The following RAD51C variants were observed in gnomAD, a reference collection of about 807,000 sequenced individuals.
The protein encoded by RAD51C is RAD51 paralog C.
Under a neutral mutation model 45.0 loss-of-function variants are expected in RAD51C, and 42 were observed. The ratio of observed to expected loss-of-function variants is 0.93; its 90% CI spans 0.73 to 1.21. The LOEUF is 1.21. RAD51C is among the 50% of genes most tolerant of loss of function. RAD51C has a pLI of 0.00. For missense variants in RAD51C, 474 were observed against 452.2 expected (o/e 1.05, Z -0.44); for synonymous variants, 172 against 159.8 (o/e 1.08, Z -0.58).
Position 58,720,793 on chromosome 17 carries a change from C to T in RAD51C, c.885C>T (p.Ala295=), listed in dbSNP as rs2143931388. The T allele has an allele frequency of 6.2e-7, 1 of 1,612,202 alleles. No individual in the cohort carries two copies. Among genetic ancestry groups the T allele is most frequent in the Admixed American group, 1.7e-5 (1 of 60,008 alleles). ...QMTTKIDRNQ[A]LLVPALGESW... is the part of the protein sequence containing the mutation. Reference sequence around the variant, plus strand: ...CAACAAAGATTGATAGAAATCAGGCCTTGCTTGTTCCTGCATTAGGTGGGT... The same window carrying T: ...CAACAAAGATTGATAGAAATCAGGCTTTGCTTGTTCCTGCATTAGGTGGGT... The change falls in exon 6 of 9, where the codon GCC becomes GCT. Residue 295 remains alanine, a synonymous_variant. Coordinates refer to ENST00000337432, the MANE Select transcript of RAD51C (RefSeq NM_058216.3).
chr17:58,701,735 TA>T (rs1414483684), intron 3 of RAD51C, among the ~76,000 whole-genome samples: 1 of 151,496 alleles, frequency 6.6e-6, no homozygotes, highest in Non-Finnish European at 1.5e-5. Flanking sequence ...CACACCAAGC[TA>T]ATCTTTATAT....
rs146511278 is a variant in RAD51C, at chr17:58,729,003, A to G, written c.966-3481A>G. ...AATCAACACCCCCACACAGTGTTTC[A>G]TATGTGTGCTCAGTTTTAGAGCACA... On this transcript the variant is annotated intron_variant, in intron 7 of 8. Transcript: ENST00000337432. Among the ~76,000 whole-genome samples the G allele has an allele frequency of 6.4e-4, 98 of 152,270 alleles. No individual in the cohort carries two copies. In the East Asian group the frequency reaches 0.016, roughly 24 times the overall value.
chr17:58,692,891 T>C (rs1486485800), intron 1 of RAD51C, 103 bp downstream of exon 1: 5 of 1,543,396 alleles, frequency 3.2e-6, no homozygotes, highest in Admixed American at 1.7e-5. Flanking sequence ...CGTTAGATTC[T>C]GCTTCCTCCC....
chr17:58,723,434 T>C (rs868407408), intron 6 of RAD51C, among the ~76,000 whole-genome samples: 1 of 152,084 alleles, frequency 6.6e-6, no homozygotes, highest in Non-Finnish European at 1.5e-5. Flanking sequence ...GGAACATTAC[T>C]ACCCCCCAGG....
intron 8 of RAD51C, 80 bp from the exon 9 acceptor site, chr17:58,734,038 T>C: frequency 6.5e-7 from 1 of 1,538,126 alleles, no homozygotes; most frequent in Non-Finnish European, 8.8e-7. Context: ...AGCTTTCTTA[T>C]TAGTTACTTA....
intron 3 of RAD51C, among the ~76,000 whole-genome samples, chr17:58,700,592 G>A (rs966349135): frequency 4.0e-5 from 6 of 151,804 alleles, no homozygotes; most frequent in African/African-American, 7.3e-5. Context: ...ACAGGCACCC[G>A]CCACCACGCC....
intron 3 of RAD51C, among the ~76,000 whole-genome samples, chr17:58,702,227 G>T (rs1273659299): frequency 6.6e-6 from 1 of 151,942 alleles, no homozygotes; most frequent in Non-Finnish European, 1.5e-5. Flanking sequence ...CTCTTAATTT[G>T]TAGTCCTATA....
At chr17:58,719,718 G>A (rs1021855804) in intron 5 of RAD51C, among the ~76,000 whole-genome samples, 1 of 149,336 alleles carries the variant, frequency 6.7e-6, no homozygotes. Flanking sequence ...CTTTTTATGG[G>A]TGGATTTTTA....
At chr17:58,693,030 G>A in intron 1 of RAD51C, 1 of 551,138 alleles carries the variant, frequency 1.8e-6, no homozygotes, top group African/African-American at 1.9e-5. Context: ...TGAATGCTTT[G>A]AGGATTGTCT....
rs752817595 is a variant in RAD51C, at chr17:58,695,104, C to T, written c.319C>T (p.Leu107=). Residue 107 remains leucine (L), a synonymous_variant, in exon 2 of 9, where the codon CTA becomes TTA. Transcript: ENST00000337432. ...CTTCATAATCACCTTCTGTTCAGCACTAGATGATATTCTTGGGGGTGGAGT... is the reference window on the plus strand; with the variant it reads ...CTTCATAATCACCTTCTGTTCAGCATTAGATGATATTCTTGGGGGTGGAGT... The part of the protein sequence containing the change: ...QGFIITFCSA[L]DDILGGGVPL... 19 of 1,614,090 alleles carry T rather than the reference C, an allele frequency of 1.2e-5. No individual in the cohort carries two copies. The highest frequency in any genetic ancestry group is 1.4e-5 in the Non-Finnish European group (17 of 1,180,026).
chr17:58,719,178 C>T (rs1202261081), intron 5 of RAD51C, among the ~76,000 whole-genome samples: 4 of 151,612 alleles, frequency 2.6e-5, no homozygotes, highest in African/African-American at 7.3e-5. Context: ...GAGCCGAGAT[C>T]GCGCCATTGC....
chr17:58,702,769 A>G (rs1365979055), intron 3 of RAD51C, among the ~76,000 whole-genome samples: 2 of 151,730 alleles, frequency 1.3e-5, no homozygotes, highest in African/African-American at 2.4e-5. Flanking sequence ...AGGCTGGGGC[A>G]GGAGGATCCC....
chr17:58,706,561 C>G, intron 4 of RAD51C: 1 of 462,014 alleles, frequency 2.2e-6, no homozygotes, highest in South Asian at 1.6e-5. Flanking sequence ...TGCAAGGGCC[C>G]CACCCTCTGA....
chr17:58,708,135 T>C (rs1473202607), intron 4 of RAD51C, among the ~76,000 whole-genome samples: 6 of 152,204 alleles, frequency 3.9e-5, no homozygotes, highest in African/African-American at 2.4e-5. Context: ...CCAGCTGACG[T>C]TGAACAAGGT....
intron 3 of RAD51C, among the ~76,000 whole-genome samples, chr17:58,702,691 TAAAAA>T (rs528849500): frequency 8.0e-6 from 1 of 125,280 alleles, no homozygotes; most frequent in South Asian, 2.6e-4. Context: ...AGACTTTATC[TAAAAA>T]AAAAAAAAAA....
At chr17:58,710,127 G>T in intron 5 of RAD51C, 137 bp downstream of exon 5, 1 of 1,024,812 alleles carries the variant, frequency 9.8e-7, no homozygotes, top group Non-Finnish European at 1.4e-6. Context: ...CGTTTGGTTG[G>T]TTTCCATTAA....
intron 4 of RAD51C, 53 bp from the exon 5 acceptor site, chr17:58,709,806 T>A: frequency 4.6e-6 from 7 of 1,508,884 alleles, no homozygotes; most frequent in Non-Finnish European, 6.4e-6. Flanking sequence ...GCATTTTTAT[T>A]ATTATTATTT....
At position 58,695,251 on chromosome 17, in the gene RAD51C, T is replaced by TGTACTATCG. The variant is rs142735413; in HGVS notation, c.404+63_404+71dup. The TGTACTATCG allele has an allele frequency of 8.7e-3, 13,507 of 1,543,820 alleles. 79 individuals are homozygous for TGTACTATCG. The highest frequency in any genetic ancestry group is 0.01 in the Non-Finnish European group (11,898 of 1,151,350). ...ATAACATATTATGAAAGTAGTATTT[T>TGTACTATCG]GTACTATCGTCAGGAAACCAAATAA... On this transcript the variant is annotated intron_variant, in intron 2 of 8. Coordinates refer to ENST00000337432, the MANE Select transcript of RAD51C (RefSeq NM_058216.3).
chr17:58,692,825 C>G, intron 1 of RAD51C, 37 bp downstream of exon 1: 11 of 1,613,776 alleles, frequency 6.8e-6, no homozygotes, highest in Non-Finnish European at 9.3e-6. Flanking sequence ...GCACACCGGC[C>G]GCCGTCAGCG....
Sources: gnomAD v4.1 joint callset for allele counts (sites outside exome capture counted in the v4.1 genomes callset) on GRCh38, gnomAD v4.1.1 for gene constraint, MANE v1.5 for transcripts, NCBI Gene and HGNC (gene_info 2026-07-23, HGNC 2026-07-21) for gene names.